CDH12: variants seen among roughly 807,000 people sequenced by gnomAD.
CDH12 encodes cadherin 12.
Under a neutral mutation model 74.1 loss-of-function variants are expected in CDH12, and 41 were observed. The ratio of observed to expected loss-of-function variants is 0.55; its 90% CI spans 0.43 to 0.72. CDH12 has a LOEUF of 0.72. Among genes scored for constraint, CDH12 ranks in the 30% least tolerant of loss-of-function variants. The pLI is 0.00. For synonymous variants in CDH12, 399 were observed against 355.0 expected (o/e 1.12, Z -1.39); for missense variants, 945 against 977.2 (o/e 0.97, Z 0.44).
At chr5:22,177,944 T>C (rs1284049998) in intron 4 of CDH12, among the ~76,000 whole-genome samples, 4 of 152,194 alleles carry the variant, frequency 2.6e-5, no homozygotes, top group African/African-American at 9.6e-5. Context: ...CATTTTACTA[T>C]GTTCAAATTG....
chr5:22,372,288 AG>A (rs1302096796), intron 3 of CDH12, among the ~76,000 whole-genome samples: 1 of 152,142 alleles, frequency 6.6e-6, no homozygotes, highest in African/African-American at 2.4e-5. Context: ...TCAACAGAGA[AG>A]GGAAGGGAAG....
At chr5:22,414,058 G>C in intron 2 of CDH12, among the ~76,000 whole-genome samples, 1 of 151,866 alleles carries the variant, frequency 6.6e-6, no homozygotes, top group East Asian at 1.9e-4. Flanking sequence ...TTTATAATTT[G>C]TGTGAGTACA....
intron 1 of CDH12, among the ~76,000 whole-genome samples, chr5:22,713,864 GA>G (rs531324241): frequency 3.9e-5 from 6 of 152,156 alleles, no homozygotes; most frequent in Non-Finnish European, 7.4e-5. Flanking sequence ...ATGTCTTCTA[GA>G]AAATCTAATG....
chr5:22,409,682 A>G (rs755538398), intron 2 of CDH12, among the ~76,000 whole-genome samples: 1 of 152,124 alleles, frequency 6.6e-6, no homozygotes, highest in Non-Finnish European at 1.5e-5. Context: ...ATTCTACTCA[A>G]TGTTTCTTCT....
intron 2 of CDH12, among the ~76,000 whole-genome samples, chr5:22,416,235 C>T (rs529244983): frequency 4.0e-5 from 6 of 150,912 alleles, no homozygotes; most frequent in Non-Finnish European, 8.9e-5. Flanking sequence ...CCACCACGCC[C>T]GGCTAATTTT....
chr5:22,167,263 T>A (rs1488764565), intron 4 of CDH12, among the ~76,000 whole-genome samples: 2 of 152,228 alleles, frequency 1.3e-5, no homozygotes, highest in Non-Finnish European at 2.9e-5. Flanking sequence ...GTCATGTGAA[T>A]GATTTTAAGC....
At chr5:21,874,380 G>A (rs186243500) in intron 6 of CDH12, among the ~76,000 whole-genome samples, 75 of 152,236 alleles carry the variant, frequency 4.9e-4, no homozygotes, top group African/African-American at 1.6e-3. Flanking sequence ...GAAGGTGACC[G>A]CATCCACCTT....
intron 3 of CDH12, among the ~76,000 whole-genome samples, chr5:22,239,305 T>C (rs1451519514): frequency 6.6e-6 from 1 of 152,114 alleles, no homozygotes; most frequent in Non-Finnish European, 1.5e-5. Flanking sequence ...CAAGAACCAA[T>C]GGTTCTCCAG....
intron 9 of CDH12, among the ~76,000 whole-genome samples, chr5:21,815,501 G>T (rs1747991031): frequency 6.6e-6 from 1 of 152,028 alleles, no homozygotes; most frequent in Non-Finnish European, 1.5e-5. Context: ...CCCAACAAAA[G>T]ACAAAACTAC....
intron 3 of CDH12, among the ~76,000 whole-genome samples, chr5:22,278,339 C>T (rs899427542): frequency 6.6e-6 from 1 of 152,154 alleles, no homozygotes; most frequent in African/African-American, 2.4e-5. Flanking sequence ...TTGGCTCTAC[C>T]ACCTGGCCTA....
intron 4 of CDH12, among the ~76,000 whole-genome samples, chr5:22,110,828 C>T (rs544086106): frequency 1.8e-4 from 28 of 152,124 alleles, no homozygotes; most frequent in South Asian, 6.2e-4. Flanking sequence ...GTTACAAAGG[C>T]GGTTCAGTTT....
At chr5:22,381,177 C>G (rs1344089694) in intron 3 of CDH12, among the ~76,000 whole-genome samples, 2 of 151,904 alleles carry the variant, frequency 1.3e-5, no homozygotes, top group East Asian at 3.9e-4. Context: ...TTTATATATG[C>G]TCATCAAACT....
At chr5:22,394,935 G>T (rs141567094) in intron 3 of CDH12, among the ~76,000 whole-genome samples, 4 of 152,194 alleles carry the variant, frequency 2.6e-5, no homozygotes, top group African/African-American at 9.6e-5. Context: ...GCCGGGATAG[G>T]TTGGCTATTG....
intron 3 of CDH12, among the ~76,000 whole-genome samples, chr5:22,278,344 G>C (rs188708310): frequency 6.6e-6 from 1 of 152,110 alleles, no homozygotes; most frequent in Non-Finnish European, 1.5e-5. Context: ...TCTACCACCT[G>C]GCCTAAGTAC....
At chr5:22,360,498 G>T (rs1740753949) in intron 3 of CDH12, among the ~76,000 whole-genome samples, 3 of 152,126 alleles carry the variant, frequency 2.0e-5, no homozygotes, top group Admixed American at 2.0e-4. Flanking sequence ...TCTACCAGGG[G>T]TACAAGGAGG....
At chr5:22,851,532 C>T (rs1276166332) in intron 1 of CDH12, among the ~76,000 whole-genome samples, 7 of 152,116 alleles carry the variant, frequency 4.6e-5, no homozygotes, top group Admixed American at 4.6e-4. Flanking sequence ...CGATTTTCAA[C>T]TTAATTGAAA....
At chr5:22,725,464 A>T (rs1744117082) in intron 1 of CDH12, among the ~76,000 whole-genome samples, 1 of 151,814 alleles carries the variant, frequency 6.6e-6, no homozygotes, top group South Asian at 2.1e-4. Context: ...TGAATATAAC[A>T]ATCAGCTAAA....
At chr5:22,804,968 T>C (rs77939184) in intron 1 of CDH12, among the ~76,000 whole-genome samples, 2 of 152,170 alleles carry the variant, frequency 1.3e-5, no homozygotes, top group East Asian at 3.9e-4. Context: ...ACTTTAAAGG[T>C]CACCTAGAAA....
At chr5:22,845,755 G>A (rs1054613348) in intron 1 of CDH12, among the ~76,000 whole-genome samples, 10 of 152,110 alleles carry the variant, frequency 6.6e-5, no homozygotes, top group East Asian at 1.9e-4. Context: ...TGAACTTGAC[G>A]TAATGAGAAA....
Sources: allele counts gnomAD v4.1 joint callset (sites outside exome capture counted in the v4.1 genomes callset), GRCh38; gene constraint gnomAD v4.1.1; transcripts MANE v1.5; gene names NCBI Gene and HGNC (gene_info 2026-07-23, HGNC 2026-07-21).